Variants in IGF1R observed in about 807,000 individuals in gnomAD.
IGF1R encodes insulin-like growth factor 1 receptor.
In IGF1R, 44 loss-of-function variants were observed where a neutral mutation model predicts 144.6. The observed-to-expected ratio is 0.30, with a 90% confidence interval of 0.24 to 0.39. The LOEUF (loss-of-function observed/expected upper bound fraction) is 0.39, where lower values mean the gene tolerates loss of function less well. Among genes scored for constraint, IGF1R ranks in the 10% least tolerant of loss-of-function variants. The probability of loss-of-function intolerance (pLI) is 1.00; values close to 1 mark genes in which losing one functional copy is unlikely to be tolerated. For synonymous variants in IGF1R, 795 were observed against 722.8 expected (o/e 1.10, Z -1.60); for missense variants, 1,355 against 1,833.7 (o/e 0.74, Z 4.77).
intron 3 of IGF1R, among the ~76,000 whole-genome samples, chr15:98,893,216 C>A (rs1001486171): frequency 2.6e-5 from 4 of 152,140 alleles, no homozygotes; most frequent in Non-Finnish European, 4.4e-5. Flanking sequence ...AAAGGGGATT[C>A]TTTTTCTAGT....
intron 2 of IGF1R, among the ~76,000 whole-genome samples, chr15:98,834,197 A>G (rs781528028): frequency 3.9e-5 from 6 of 152,208 alleles, no homozygotes; most frequent in African/African-American, 1.4e-4. Context: ...TTTTTGGGAA[A>G]GAGTTTGCAA....
At chr15:98,884,697 A>AG (rs1233340474) in intron 2 of IGF1R, among the ~76,000 whole-genome samples, 1 of 151,438 alleles carries the variant, frequency 6.6e-6, no homozygotes, top group African/African-American at 2.4e-5. Flanking sequence ...AAAAAAAAAA[A>AG]AAAAAAAGAA....
At chr15:98,899,280 G>T (rs190766560) in intron 4 of IGF1R, among the ~76,000 whole-genome samples, 197 bp from the exon 5 acceptor site, 1 of 152,194 alleles carries the variant, frequency 6.6e-6, no homozygotes, top group African/African-American at 2.4e-5. Flanking sequence ...CCCCTGCCTG[G>T]GAGGCCTCGT....
intron 2 of IGF1R, among the ~76,000 whole-genome samples, chr15:98,847,839 A>T (rs145448385): frequency 4.5e-4 from 68 of 152,350 alleles, no homozygotes; most frequent in African/African-American, 1.6e-3. Context: ...TACTGAGGAT[A>T]ACACCAATGA....
intron 2 of IGF1R, among the ~76,000 whole-genome samples, chr15:98,861,468 C>T (rs906827577): frequency 2.0e-5 from 3 of 152,202 alleles, no homozygotes; most frequent in Admixed American, 2.0e-4. Flanking sequence ...CATGGCCTCT[C>T]TCGCAGTTCT....
At chr15:98,926,614 C>T (rs1317984147) in intron 13 of IGF1R, among the ~76,000 whole-genome samples, 3 of 152,060 alleles carry the variant, frequency 2.0e-5, no homozygotes, top group Non-Finnish European at 2.9e-5. Context: ...AAAAGATCTC[C>T]AGTAGTCACC....
intron 1 of IGF1R, among the ~76,000 whole-genome samples, chr15:98,687,498 G>C (rs959734622): frequency 6.6e-6 from 1 of 152,222 alleles, no homozygotes; most frequent in African/African-American, 2.4e-5. Context: ...AGAGTCTTAG[G>C]CCATTTCAAG....
At chr15:98,948,412 T>C (rs897762565) in intron 19 of IGF1R, among the ~76,000 whole-genome samples, 162 bp from the exon 20 acceptor site, 2 of 152,184 alleles carry the variant, frequency 1.3e-5, no homozygotes, top group African/African-American at 4.8e-5. Flanking sequence ...GGGAGGATGA[T>C]ATCCCGCACT....
At position 98,923,905 on chromosome 15, in the gene IGF1R, A is replaced by G; in HGVS notation, c.2515A>G (p.Thr839Ala). ...EGADDIPGPV[T>A]WEPRPENSIF... ...AGCAGATGACATTCCTGGGCCAGTGACCTGGGAGCCAAGGCCTGAAAACTC... is the reference window on the plus strand; with the variant it reads ...AGCAGATGACATTCCTGGGCCAGTGGCCTGGGAGCCAAGGCCTGAAAACTC... Residue 839 changes from threonine to alanine, a missense_variant, in exon 12 of 21, where the codon ACC (threonine) becomes GCC (alanine). Thr to Ala is a moderately conservative substitution (Grantham distance 58). Around this residue, in one of 7 missense-constraint regions of IGF1R, gnomAD observed 880 missense variants for 1,202.7 expected, o/e 0.73. Coordinates refer to ENST00000650285, the MANE Select transcript of IGF1R (RefSeq NM_000875.5). 2 of 1,613,296 alleles carry G rather than the reference A, an allele frequency of 1.2e-6. No homozygotes were observed. Among genetic ancestry groups the G allele is most frequent in the Non-Finnish European group, 1.7e-6 (2 of 1,179,226 alleles).
intron 15 of IGF1R, among the ~76,000 whole-genome samples, chr15:98,933,586 C>T (rs1379654628): frequency 6.6e-6 from 1 of 152,210 alleles, no homozygotes; most frequent in Admixed American, 6.5e-5. Context: ...ATCCTCCCAA[C>T]TTGGCCTACG....
chr15:98,788,050 C>CTGTGTG (rs1171190613), intron 2 of IGF1R, among the ~76,000 whole-genome samples: 4 of 138,358 alleles, frequency 2.9e-5, no homozygotes, highest in African/African-American at 1.3e-4. Context: ...CTCTCTCTCT[C>CTGTGTG]TCTCTCTCTC....
intron 1 of IGF1R, among the ~76,000 whole-genome samples, chr15:98,691,382 T>G (rs1307118542): frequency 1.4e-5 from 2 of 139,078 alleles, no homozygotes; most frequent in African/African-American, 5.6e-5. Flanking sequence ...TTTTTTTTTT[T>G]GAGACAGAGT....
intron 2 of IGF1R, among the ~76,000 whole-genome samples, chr15:98,801,836 C>T (rs1002995652): frequency 2.6e-5 from 4 of 152,212 alleles, no homozygotes; most frequent in South Asian, 4.1e-4. Context: ...CCCCCATCCC[C>T]GTGGCTAGCA....
chr15:98,749,772 G>A (rs1403614937), intron 2 of IGF1R, among the ~76,000 whole-genome samples: 1 of 152,164 alleles, frequency 6.6e-6, no homozygotes, highest in African/African-American at 2.4e-5. Flanking sequence ...GCTTAGGCAG[G>A]TGACAGCATG....
chr15:98,739,779 A>G (rs1004810956), intron 2 of IGF1R, among the ~76,000 whole-genome samples: 1 of 152,128 alleles, frequency 6.6e-6, no homozygotes, highest in African/African-American at 2.4e-5. Flanking sequence ...TTTAGTAGAG[A>G]TGGGGTTTCA....
chr15:98,717,529 C>T (rs1407997913), intron 2 of IGF1R, among the ~76,000 whole-genome samples: 2 of 152,068 alleles, frequency 1.3e-5, no homozygotes, highest in African/African-American at 4.8e-5. Context: ...TAATTTGATT[C>T]GTACTGTTCA....
intron 2 of IGF1R, among the ~76,000 whole-genome samples, chr15:98,788,060 CTCTG>C (rs1426764539): frequency 1.6e-3 from 212 of 130,692 alleles, no homozygotes; most frequent in African/African-American, 5.4e-3. Context: ...CTCTCTCTCT[CTCTG>C]TGTGTGTGTG....
chr15:98,859,403 T>C (rs983730781), intron 2 of IGF1R, among the ~76,000 whole-genome samples: 2 of 152,246 alleles, frequency 1.3e-5, no homozygotes, highest in African/African-American at 4.8e-5. Flanking sequence ...AGTGTTTGCT[T>C]TTCCTTTGCA....
intron 2 of IGF1R, among the ~76,000 whole-genome samples, chr15:98,809,163 G>C (rs137972749): frequency 6.6e-6 from 1 of 152,232 alleles, no homozygotes; most frequent in Non-Finnish European, 1.5e-5. Context: ...CACTCCGGGG[G>C]CACCCTGCCG....
Sources: gnomAD v4.1 joint callset for allele counts (sites outside exome capture counted in the v4.1 genomes callset) on GRCh38, gnomAD v4.1.1 for gene constraint, gnomAD v4.1.1 regional missense constraint, MANE v1.5 for transcripts, NCBI Gene and HGNC (gene_info 2026-07-23, HGNC 2026-07-21) for gene names.